PXDNL: variants seen among roughly 807,000 people sequenced by gnomAD.
The protein encoded by PXDNL is peroxidasin like.
In PXDNL, 145 loss-of-function variants were observed where a neutral mutation model predicts 150.8. That is an observed-to-expected ratio of 0.96 (90% CI 0.84 to 1.10). The LOEUF (loss-of-function observed/expected upper bound fraction) is 1.10, where lower values mean the gene tolerates loss of function less well. PXDNL is among the 50% of genes least tolerant of loss of function. The pLI, the probability that PXDNL is intolerant of heterozygous loss-of-function variation, is 0.00. For synonymous variants in PXDNL, 757 were observed against 725.7 expected, an observed-to-expected ratio of 1.04 and a Z score of -0.69; for missense variants, 2,087 against 1,873.9, an observed-to-expected ratio of 1.11 and a Z score of -2.10.
chr8:51,386,109 T>G (rs1807700204), intron 17 of PXDNL, among the ~76,000 whole-genome samples: 1 of 151,938 alleles, frequency 6.6e-6, no homozygotes, highest in African/African-American at 2.4e-5. Context: ...TTTTTTTTTT[T>G]GACATAAGAC....
intron 17 of PXDNL, among the ~76,000 whole-genome samples, chr8:51,382,354 C>T (rs1264981359): frequency 6.6e-6 from 1 of 152,136 alleles, no homozygotes; most frequent in Non-Finnish European, 1.5e-5. Context: ...CTTCCAGACT[C>T]CAGAACTGTG....
chr8:51,323,396 C>T (rs1284010303), intron 21 of PXDNL, among the ~76,000 whole-genome samples: 2 of 152,146 alleles, frequency 1.3e-5, no homozygotes, highest in African/African-American at 4.8e-5. Context: ...CATCCCTCCT[C>T]AGCCTCCCAG....
At chr8:51,361,529 C>T (rs1268491951) in intron 19 of PXDNL, among the ~76,000 whole-genome samples, 2 of 152,162 alleles carry the variant, frequency 1.3e-5, no homozygotes, top group Non-Finnish European at 2.9e-5. Context: ...CCAGCTATGC[C>T]TACATTTGCA....
chr8:51,708,000 CAATA>C (rs1374814622), intron 1 of PXDNL, among the ~76,000 whole-genome samples: 1 of 152,064 alleles, frequency 6.6e-6, no homozygotes, highest in East Asian at 1.9e-4. Context: ...TAGCAAAGGT[CAATA>C]AATAAATTGC....
At chr8:51,407,092 C>T (rs146061608) in intron 17 of PXDNL, among the ~76,000 whole-genome samples, 4 of 152,150 alleles carry the variant, frequency 2.6e-5, no homozygotes, top group African/African-American at 7.2e-5. Flanking sequence ...CACAGGCTCT[C>T]GGTACTATTG....
At chr8:51,596,084 T>C (rs146520286) in intron 2 of PXDNL, among the ~76,000 whole-genome samples, 2 of 152,242 alleles carry the variant, frequency 1.3e-5, no homozygotes, top group Non-Finnish European at 2.9e-5. Context: ...CCAGTGTCTA[T>C]TGTTGCCCTC....
intron 2 of PXDNL, among the ~76,000 whole-genome samples, chr8:51,627,159 A>T (rs903078046): frequency 6.6e-6 from 1 of 152,224 alleles, no homozygotes; most frequent in Non-Finnish European, 1.5e-5. Context: ...AGCCAACTGT[A>T]CTTTTAGGAG....
At chr8:51,601,404 T>C (rs1458750109) in intron 2 of PXDNL, among the ~76,000 whole-genome samples, 1 of 152,028 alleles carries the variant, frequency 6.6e-6, no homozygotes, top group Admixed American at 6.6e-5. Context: ...GGGTGCTCCA[T>C]TGTTGGGTGT....
chr8:51,468,936 T>A (rs1810262233), intron 8 of PXDNL, among the ~76,000 whole-genome samples: 1 of 152,026 alleles, frequency 6.6e-6, no homozygotes, highest in Non-Finnish European at 1.5e-5. Context: ...TGTATTCATA[T>A]TTATCAACAT....
intron 1 of PXDNL, among the ~76,000 whole-genome samples, chr8:51,690,604 A>G (rs1815973297): frequency 1.3e-5 from 2 of 152,144 alleles, no homozygotes; most frequent in South Asian, 4.1e-4. Flanking sequence ...AGTCTTTGCT[A>G]TTGTGAATAC....
At chr8:51,695,362 C>T (rs1585679952) in intron 1 of PXDNL, among the ~76,000 whole-genome samples, 2 of 152,228 alleles carry the variant, frequency 1.3e-5, no homozygotes, top group East Asian at 1.9e-4. Context: ...ACTGTTATCA[C>T]CTATTAAAGC....
chr8:51,608,050 AAAGAAAGCAAGCAAGC>A lies in PXDNL; in HGVS notation c.237-15368_237-15353del, dbSNP rs772951549. On this transcript the variant is annotated intron_variant, in intron 2 of 22. Transcript: ENST00000356297. ...GAAAGAAAGAAAGAAAGAAAGAAAG[AAAGAAAGCAAGCAAGC>A]AAGCAAGCAAGCAAGCAAGCAAGCA... 2.6e-3 allele frequency among the ~76,000 whole-genome samples: 327 copies of A among 124,588 alleles called. 4 individuals are homozygous for A. Among genetic ancestry groups the A allele is most frequent in the African/African-American group, 5.8e-3 (150 of 26,014 alleles). 81.7% of individuals were successfully genotyped at this position (124,588 alleles called of 152,430 possible). A position where few individuals can be genotyped will look rare whatever the true frequency, so the allele number is the denominator to read the frequency against.
At chr8:51,569,978 C>T (rs34125996) in intron 3 of PXDNL, among the ~76,000 whole-genome samples, 72,118 of 151,686 alleles carry the variant, frequency 0.48, 21,437 homozygotes, top group African/African-American at 0.84. Context: ...TTTTGTTGCC[C>T]GGGATCACTG....
At chr8:51,403,407 C>T (rs566984366) in intron 17 of PXDNL, among the ~76,000 whole-genome samples, 7 of 152,278 alleles carry the variant, frequency 4.6e-5, no homozygotes, top group South Asian at 2.1e-4. Flanking sequence ...CCACCTCTCC[C>T]GGAACTCCTC....
intron 1 of PXDNL, among the ~76,000 whole-genome samples, chr8:51,758,690 A>G (rs967770623): frequency 2.6e-5 from 4 of 152,170 alleles, no homozygotes; most frequent in African/African-American, 9.6e-5. Context: ...CACCTTGTGA[A>G]GAAGGTGCCT....
At chr8:51,546,764 C>A (rs1205288827) in intron 4 of PXDNL, among the ~76,000 whole-genome samples, 1 of 152,158 alleles carries the variant, frequency 6.6e-6, no homozygotes. Context: ...AAGATCTCAG[C>A]CCTGCACAGA....
chr8:51,484,393 C>A (rs1810678999), intron 5 of PXDNL, among the ~76,000 whole-genome samples: 1 of 151,390 alleles, frequency 6.6e-6, no homozygotes, highest in African/African-American at 2.4e-5. Context: ...CGAGATTGCA[C>A]CCCTACACTT....
intron 4 of PXDNL, among the ~76,000 whole-genome samples, chr8:51,506,234 T>A (rs1209960431): frequency 6.6e-6 from 1 of 152,120 alleles, no homozygotes; most frequent in Non-Finnish European, 1.5e-5. Context: ...GTTATTTCAA[T>A]CCTAAATTAG....
At position 51,409,087 on chromosome 8, in the gene PXDNL, T is replaced by C. The variant is rs768972169; in HGVS notation, c.2537A>G (p.Asn846Ser). 8.1e-6 allele frequency: 13 copies of C among 1,608,608 alleles called. No individual in the cohort carries two copies. Among genetic ancestry groups the C allele is most frequent in the Non-Finnish European group, 1.0e-5 (12 of 1,179,244 alleles). ...CTNDPPCFPMNTRHADPRGTH... is the reference protein window; with the variant it reads ...CTNDPPCFPMSTRHADPRGTH... The stretch of plus-strand genomic sequence containing the variant: ...GCCCCGGGGGTCGGCGTGCCGGGTG[T>C]TCATGGGGAAACAAGGAGGGTCGTT... Residue 846 changes from asparagine to serine, a missense_variant, in exon 17 of 23, where the codon AAC becomes AGC. Asn to Ser is a conservative substitution (Grantham distance 46). Transcript: ENST00000356297.
Sources: allele counts gnomAD v4.1 joint callset (sites outside exome capture counted in the v4.1 genomes callset), GRCh38; gene constraint gnomAD v4.1.1; transcripts MANE v1.5; gene names NCBI Gene and HGNC (gene_info 2026-07-23, HGNC 2026-07-21).